Variants in PPM1B observed in about 807,000 individuals in gnomAD.
PPM1B encodes the protein protein phosphatase, Mg2+/Mn2+ dependent 1B, also known as protein phosphatase 1B.
PPM1B carries 22 observed loss-of-function variants against 43.0 expected under a neutral mutation model. The observed-to-expected ratio is 0.51, with a 90% confidence interval of 0.37 to 0.73. The LOEUF (loss-of-function observed/expected upper bound fraction) is 0.73, where lower values mean the gene tolerates loss of function less well. Among genes scored for constraint, PPM1B ranks in the 30% least tolerant of loss-of-function variants. The probability of loss-of-function intolerance (pLI) is 0.00; values close to 1 mark genes in which losing one functional copy is unlikely to be tolerated. For missense variants in PPM1B, 632 were observed against 584.2 expected, an observed-to-expected ratio of 1.08 and a Z score of -0.84; for synonymous variants, 217 against 197.9, an observed-to-expected ratio of 1.10 and a Z score of -0.81.
At chr2:44,229,661 C>A (rs1203282415) in intron 5 of PPM1B, among the ~76,000 whole-genome samples, 2 of 152,128 alleles carry the variant, frequency 1.3e-5, no homozygotes, top group Non-Finnish European at 2.9e-5. Context: ...CTTTATAATG[C>A]ATCATATCAA....
At chr2:44,208,442 GT>G (rs1214720740) in intron 2 of PPM1B, among the ~76,000 whole-genome samples, 2 of 152,068 alleles carry the variant, frequency 1.3e-5, no homozygotes, top group Non-Finnish European at 2.9e-5. Flanking sequence ...GCTGGGCGCG[GT>G]GGCTCATGCC....
intron 2 of PPM1B, among the ~76,000 whole-genome samples, chr2:44,207,958 A>G (rs1489625741): frequency 7.1e-6 from 1 of 141,322 alleles, no homozygotes; most frequent in African/African-American, 2.7e-5. Flanking sequence ...GTGCAATCTC[A>G]GCTCACTGCA....
chr2:44,179,454 G>T (rs892013669), intron 1 of PPM1B, among the ~76,000 whole-genome samples: 4 of 151,994 alleles, frequency 2.6e-5, no homozygotes, highest in African/African-American at 9.7e-5. Context: ...AAAGCTCTGT[G>T]TTCTTGTCTG....
rs760786293 is a variant in PPM1B, at chr2:44,201,310, A to G, written c.111A>G (p.Glu37=). 6.2e-7 allele frequency: 1 copy of G among 1,614,200 alleles called. No individual in the cohort carries two copies. The highest frequency in any genetic ancestry group is 1.1e-5 in the South Asian group (1 of 91,082). ...TGCAAGGATGGAGAGTGGAAATGGAAGATGCACACACAGCTGTTGTAGGTA... is the reference window on the plus strand; with the variant it reads ...TGCAAGGATGGAGAGTGGAAATGGAGGATGCACACACAGCTGTTGTAGGTA... ...SSMQGWRVEM[E]DAHTAVVGIP... Residue 37 remains glutamate, a synonymous_variant, in exon 2 of 6, where the codon GAA becomes GAG. Coordinates refer to ENST00000282412, the MANE Select transcript of PPM1B (RefSeq NM_002706.6). The surrounding 1 kb of genome is among the most constrained non-coding windows in gnomAD (Gnocchi z 5.4).
intron 5 of PPM1B, among the ~76,000 whole-genome samples, chr2:44,242,603 T>C (rs542579002): frequency 1.7e-4 from 26 of 152,330 alleles, no homozygotes; most frequent in African/African-American, 6.0e-4. Context: ...GCTATGTTTT[T>C]CACTTTCTTA....
At chr2:44,171,829 CA>C (rs58214419) in intron 1 of PPM1B, among the ~76,000 whole-genome samples, 13,935 of 116,320 alleles carry the variant, frequency 0.12, 235 homozygotes, top group African/African-American at 0.15. Context: ...GACTCTGTCT[CA>C]AAAAAAAAAA....
downstream of PPM1B, among the ~76,000 whole-genome samples, chr2:44,244,820 G>GAGATATATATAT (rs1553339291): frequency 2.3e-5 from 3 of 129,914 alleles, no homozygotes; most frequent in East Asian, 2.2e-4. Flanking sequence ...AATTACTTGA[G>GAGATATATATAT]ATATATATAT....
intron 2 of PPM1B, among the ~76,000 whole-genome samples, chr2:44,204,578 C>T (rs1669078980): frequency 6.6e-6 from 1 of 152,070 alleles, no homozygotes; most frequent in South Asian, 2.1e-4. Context: ...AAACACTATT[C>T]TAAATACTTT....
At chr2:44,188,686 A>G (rs547096803) in intron 1 of PPM1B, among the ~76,000 whole-genome samples, 5 of 151,422 alleles carry the variant, frequency 3.3e-5, no homozygotes, top group Admixed American at 1.3e-4. Flanking sequence ...ATGAGCCACT[A>G]TGCCCAGTTT....
chr2:44,181,708 A>T (rs1667883779), intron 1 of PPM1B, among the ~76,000 whole-genome samples: 1 of 152,222 alleles, frequency 6.6e-6, no homozygotes, highest in Non-Finnish European at 1.5e-5. Flanking sequence ...GGGTAGGCAT[A>T]TGAAGGTGGC....
intron 1 of PPM1B, among the ~76,000 whole-genome samples, chr2:44,190,033 A>G (rs1380746139): frequency 1.3e-5 from 2 of 152,208 alleles, no homozygotes; most frequent in African/African-American, 4.8e-5. Flanking sequence ...GAATGTTTTC[A>G]TTACAAAAAT....
At chr2:44,196,062 C>T (rs1668647257) in intron 1 of PPM1B, among the ~76,000 whole-genome samples, 1 of 152,174 alleles carries the variant, frequency 6.6e-6, no homozygotes, top group Non-Finnish European at 1.5e-5. Context: ...GAGAACTGTC[C>T]ACTTGAACCC....
chr2:44,233,574 C>G (rs1167015860), downstream of PPM1B: 3 of 985,656 alleles, frequency 3.0e-6, no homozygotes, highest in Admixed American at 6.2e-5. Flanking sequence ...GCTTTGTAAA[C>G]ATTTTCCTGT....
intron 1 of PPM1B, among the ~76,000 whole-genome samples, chr2:44,199,843 A>G (rs1200165267): frequency 6.6e-6 from 1 of 152,228 alleles, no homozygotes; most frequent in East Asian, 1.9e-4. Context: ...ACTGGTATGT[A>G]ACTTATAAAT....
chr2:44,221,500 G>A (rs934025979), intron 5 of PPM1B, among the ~76,000 whole-genome samples: 1 of 152,116 alleles, frequency 6.6e-6, no homozygotes, highest in Non-Finnish European at 1.5e-5. Flanking sequence ...GCCGGGAGCT[G>A]GATGTTAACT....
At chr2:44,233,338 T>C, downstream of PPM1B, 2 of 981,994 alleles carry the variant, frequency 2.0e-6, no homozygotes, top group African/African-American at 1.7e-5. Flanking sequence ...CAGTAACTTT[T>C]CATTTTATAA....
At chr2:44,246,197 T>G (rs1021366281), downstream of PPM1B, among the ~76,000 whole-genome samples, 18 of 152,300 alleles carry the variant, frequency 1.2e-4, no homozygotes, top group South Asian at 2.1e-4. Context: ...AACTGTCTCC[T>G]CCTTTATTCT....
intron 1 of PPM1B, among the ~76,000 whole-genome samples, chr2:44,189,603 A>G (rs552257414): frequency 1.3e-5 from 2 of 152,256 alleles, no homozygotes; most frequent in South Asian, 4.1e-4. Flanking sequence ...AGCTGGGATT[A>G]CAGGTGCCTG....
intron 5 of PPM1B, among the ~76,000 whole-genome samples, chr2:44,241,922 G>C (rs1038119373): frequency 2.5e-5 from 3 of 118,812 alleles, no homozygotes; most frequent in Non-Finnish European, 4.8e-5. Flanking sequence ...GCAGTGGCGC[G>C]ATCTCAGCTC....
Sources: allele counts gnomAD v4.1 joint callset (sites outside exome capture counted in the v4.1 genomes callset), GRCh38; gene constraint gnomAD v4.1.1; non-coding constraint Gnocchi (gnomAD v3.1); transcripts MANE v1.5; gene names NCBI Gene and HGNC (gene_info 2026-07-23, HGNC 2026-07-21).